DET1: variants seen among roughly 807,000 people sequenced by gnomAD.
DET1 encodes DET1 partner of COP1 E3 ubiquitin ligase, also known as DET1 homolog.
Under a neutral mutation model 43.7 loss-of-function variants are expected in DET1, and 22 were observed. That is an observed-to-expected ratio of 0.50 (90% CI 0.36 to 0.72). DET1 has a LOEUF of 0.72. DET1 is among the 30% of genes least tolerant of loss of function. DET1 has a pLI of 0.00. For missense variants in DET1, 713 were observed against 713.3 expected, an observed-to-expected ratio of 1.00 and a Z score of 0.00; for synonymous variants, 315 against 266.2, an observed-to-expected ratio of 1.18 and a Z score of -1.79.
intron 1 of DET1, among the ~76,000 whole-genome samples, chr15:88,536,821 G>A (rs375145288): frequency 1.1e-3 from 168 of 147,170 alleles, no homozygotes; most frequent in African/African-American, 4.1e-3. Context: ...TACCTAAAAG[G>A]CTAAAAGACA....
At chr15:88,521,345 G>C (rs913565329) in intron 3 of DET1, among the ~76,000 whole-genome samples, 2 of 152,142 alleles carry the variant, frequency 1.3e-5, no homozygotes, top group Non-Finnish European at 2.9e-5. Context: ...AGGAAAACTG[G>C]CAATCTCTTC....
chr15:88,536,770 C>CAAAAAA lies in DET1; in HGVS notation c.-10-5061_-10-5056dup, dbSNP rs58177778. Among the ~76,000 whole-genome samples the CAAAAAA allele has an allele frequency of 3.1e-3, 149 of 48,052 alleles. 3 individuals carry two copies. The highest frequency in any genetic ancestry group is 4.3e-3 in the Non-Finnish European group (111 of 25,522). The allele number at this position is 48,052 out of a possible 152,430, so 31.5% of individuals were successfully genotyped here. A position where few individuals can be genotyped will look rare whatever the true frequency, so the allele number is the denominator to read the frequency against. The stretch of plus-strand genomic sequence containing the variant: ...TGGGCAACAGAGCAAGACTCCATCT[C>CAAAAAA]AAAAAAAAAAAAAAAAAAAGGAACA... On this transcript the variant is annotated intron_variant, in intron 1 of 4. Transcript: ENST00000268148.
chr15:88,513,622 G>GAT (rs745391802), intron 4 of DET1, among the ~76,000 whole-genome samples: 153 of 115,386 alleles, frequency 1.3e-3, no homozygotes, highest in African/African-American at 4.4e-3. Context: ...CTATTAGTGA[G>GAT]TTTTTTTTTT....
chr15:88,529,193 A>T (rs1483258412), intron 2 of DET1, among the ~76,000 whole-genome samples: 1 of 152,242 alleles, frequency 6.6e-6, no homozygotes, highest in African/African-American at 2.4e-5. Context: ...TCCAAAATAA[A>T]AAGGTAATTA....
chr15:88,534,525 G>T (rs186264832), intron 1 of DET1, among the ~76,000 whole-genome samples: 1 of 152,182 alleles, frequency 6.6e-6, no homozygotes, highest in Non-Finnish European at 1.5e-5. Context: ...GACCCCAGTG[G>T]AACCAGAAGG....
At chr15:88,505,160 C>G (rs771221836) in intron 7 of DET1, 1 of 152,206 alleles carries the variant, frequency 6.6e-6, no homozygotes, top group African/African-American at 2.4e-5. Context: ...AAGCATCTAA[C>G]AAATCGATTC....
downstream of DET1, chr15:88,511,522 A>C: frequency 1.0e-6 from 1 of 984,082 alleles, no homozygotes; most frequent in Non-Finnish European, 1.2e-6. Context: ...CATTGATCCA[A>C]CTCCAGTGCT....
At position 88,527,756 on chromosome 15, in the gene DET1, T is replaced by C. The variant is rs1194332854; in HGVS notation, c.1114A>G (p.Thr372Ala). 1.2e-6 allele frequency: 2 copies of C among 1,610,914 alleles called. No individual in the cohort carries two copies. The highest frequency in any genetic ancestry group is 1.7e-5 in the Admixed American group (1 of 59,508). ...ASFFVVYNMV[T>A]TEVIAVFENT... is the part of the protein sequence containing the mutation. ...TCAAACACAGCAATCACCTCTGTCG[T>C]CACCATATTGTACACCACAAAGAAA... is the stretch of plus-strand genomic sequence containing the variant. Residue 372 changes from threonine to alanine, a missense_variant, in exon 3 of 5, where the codon ACG becomes GCG. Physicochemically the swap from Thr to Ala is moderately conservative, Grantham distance 58. Transcript: ENST00000268148.
At chr15:88,530,547 G>T (rs1598336536) in intron 2 of DET1, 76 bp downstream of exon 2, 1 of 1,519,560 alleles carries the variant, frequency 6.6e-7, no homozygotes, top group Admixed American at 2.2e-5. Flanking sequence ...TGAGGGGTGG[G>T]CTATAAACAA....
chr15:88,520,062 T>C (rs898107383), intron 3 of DET1, among the ~76,000 whole-genome samples: 1 of 152,210 alleles, frequency 6.6e-6, no homozygotes, highest in African/African-American at 2.4e-5. Flanking sequence ...TGCGCTCCCA[T>C]GCAAGGCAAA....
chr15:88,528,140 A>T (rs978447322), intron 2 of DET1, among the ~76,000 whole-genome samples: 8 of 152,312 alleles, frequency 5.3e-5, no homozygotes, highest in African/African-American at 1.4e-4. Context: ...TTTCCTTCCA[A>T]GTGTTTATTC....
At position 88,516,301 on chromosome 15, in the gene DET1, T is replaced by C. The variant is rs1263996149; in HGVS notation, c.1463+481A>G. On this transcript the variant is annotated intron_variant, in intron 4 of 4. Transcript: ENST00000268148. The surrounding 1 kb of genome is among the most constrained non-coding windows in gnomAD (Gnocchi z 4.4). ...TCTTGTAAGACGTCAGTTTCAAACT[T>C]CTAACAATAACACAGTAGTCTACAT... is the stretch of plus-strand genomic sequence containing the variant. Among the ~76,000 whole-genome samples the C allele has an allele frequency of 2.6e-5, 4 of 152,240 alleles. No homozygotes were observed. The highest frequency in any genetic ancestry group is 9.6e-5 in the African/African-American group (4 of 41,464).
intron 3 of DET1, among the ~76,000 whole-genome samples, chr15:88,526,593 C>T (rs2056669331): frequency 6.6e-6 from 1 of 152,066 alleles, no homozygotes; most frequent in South Asian, 2.1e-4. Context: ...GGAAGAATCT[C>T]TAACCTCCTG....
chr15:88,517,699 C>G (rs1331043467), intron 3 of DET1, among the ~76,000 whole-genome samples: 2 of 152,120 alleles, frequency 1.3e-5, no homozygotes, highest in African/African-American at 2.4e-5. Flanking sequence ...TACAGAGAAC[C>G]CTGAACAGAA....
chr15:88,530,805 C>A lies in DET1; in HGVS notation c.901G>T (p.Val301Leu). 6.2e-7 allele frequency: 1 copy of A among 1,613,960 alleles called. No individual in the cohort carries two copies. The highest frequency in any genetic ancestry group is 8.5e-7 in the Non-Finnish European group (1 of 1,179,870). The change falls in exon 2 of 5, where the codon GTA becomes TTA. Residue 301 changes from valine (V) to leucine (L), a missense_variant. Coordinates refer to ENST00000268148, the MANE Select transcript of DET1 (RefSeq NM_001144074.3). ...FINSLKHRLL[V>L]YLWRRAEQDG... is the part of the protein sequence containing the mutation. The stretch of plus-strand genomic sequence containing the variant: ...TGTTCTGCCCGGCGCCACAAATATA[C>A]CAGCAACCGGTGTTTGAGGGAATTG...
chr15:88,506,655 T>C (rs1054131810), intron 7 of DET1, among the ~76,000 whole-genome samples: 3 of 152,302 alleles, frequency 2.0e-5, no homozygotes, highest in South Asian at 4.1e-4. Context: ...CATGACTGAG[T>C]TTAAGTTACT....
intron 4 of DET1, among the ~76,000 whole-genome samples, chr15:88,513,358 T>C (rs150533154): frequency 6.6e-6 from 1 of 152,354 alleles, no homozygotes; most frequent in East Asian, 1.9e-4. Flanking sequence ...TATGTTGCAC[T>C]GAGTCACTGG....
chr15:88,531,563 G>A lies in DET1; in HGVS notation c.143C>T (p.Pro48Leu). The A allele has an allele frequency of 6.2e-7, 1 of 1,614,024 alleles. No individual in the cohort carries two copies. Among genetic ancestry groups the A allele is most frequent in the East Asian group, 2.2e-5 (1 of 44,878 alleles). ...QVRVFHQNVFPNFTVVNVEKP... is the reference protein window; with the variant it reads ...QVRVFHQNVFLNFTVVNVEKP... Reference sequence around the variant, plus strand: ...TTCAACGTTGACAACTGTGAAGTTGGGGAAGACATTCTGATGGAACACTCG... The same window carrying A: ...TTCAACGTTGACAACTGTGAAGTTGAGGAAGACATTCTGATGGAACACTCG... Residue 48 changes from proline to leucine, a missense_variant, in exon 2 of 5, where the codon CCC becomes CTC. Pro to Leu is a moderately conservative substitution (Grantham distance 98). Coordinates refer to ENST00000268148, the MANE Select transcript of DET1 (RefSeq NM_001144074.3). The surrounding 1 kb of genome is among the most constrained non-coding windows in gnomAD (Gnocchi z 6.2).
chr15:88,505,288 G>A (rs72760100), intron 7 of DET1: 2 of 152,122 alleles, frequency 1.3e-5, no homozygotes, highest in Non-Finnish European at 2.9e-5. Flanking sequence ...CTTGTTTGCT[G>A]TTTGATAGGC....
Sources: gnomAD v4.1 joint callset for allele counts (sites outside exome capture counted in the v4.1 genomes callset) on GRCh38, gnomAD v4.1.1 for gene constraint, Gnocchi (gnomAD v3.1) non-coding constraint, MANE v1.5 for transcripts, NCBI Gene and HGNC (gene_info 2026-07-23, HGNC 2026-07-21) for gene names.